Variants in XRRA1 observed in about 807,000 individuals in gnomAD.
The protein encoded by XRRA1 is X-ray radiation resistance-associated protein 1.
XRRA1 carries 69 observed loss-of-function variants against 80.2 expected under a neutral mutation model. That is an observed-to-expected ratio of 0.86 (90% CI 0.71 to 1.05). The LOEUF is 1.05. XRRA1 is among the 50% of genes least tolerant of loss of function. XRRA1 has a pLI of 0.00. For missense variants in XRRA1, 967 were observed against 976.4 expected (o/e 0.99, Z 0.13); for synonymous variants, 348 against 389.9 (o/e 0.89, Z 1.27).
chr11:74,924,238 G>A (rs1002739163), intron 7 of XRRA1, among the ~76,000 whole-genome samples: 1 of 151,258 alleles, frequency 6.6e-6, no homozygotes, highest in African/African-American at 2.4e-5. Context: ...CACTTTGGGA[G>A]GCCGAGACGG....
chr11:74,842,270 C>T lies in XRRA1; in HGVS notation c.*930G>A, dbSNP rs1018152592. The T allele has an allele frequency of 2.6e-5, 4 of 152,202 alleles. No homozygotes were observed. Among genetic ancestry groups the T allele is most frequent in the Non-Finnish European group, 5.9e-5 (4 of 68,054 alleles). The allele number at this position is 152,202 out of a possible 1,614,324, so 9.4% of individuals were successfully genotyped here. A position where few individuals can be genotyped will look rare whatever the true frequency, so the allele number is the denominator to read the frequency against. ...AGGGCATGCCCTGTTGGGGATGTTT[C>T]TGTCAGCAAGGACATGGCATGGAAT... On this transcript the variant is annotated 3_prime_UTR_variant, in exon 19 of 19. Transcript: ENST00000684022.
chr11:74,902,466 TTA>T (rs1388067767), intron 10 of XRRA1, among the ~76,000 whole-genome samples: 1 of 152,310 alleles, frequency 6.6e-6, no homozygotes, highest in East Asian at 1.9e-4. Context: ...ATCTGCACTC[TTA>T]TGTTTGTTGC....
chr11:74,923,554 T>C (rs572419537), intron 7 of XRRA1, among the ~76,000 whole-genome samples: 1 of 152,300 alleles, frequency 6.6e-6, no homozygotes, highest in Non-Finnish European at 1.5e-5. Context: ...TTCTCTCTAA[T>C]CTATTTTTTA....
chr11:74,946,754 CTTTTTTT>C (rs199664037), intron 1 of XRRA1, among the ~76,000 whole-genome samples: 2 of 141,616 alleles, frequency 1.4e-5, no homozygotes, highest in South Asian at 2.3e-4. Context: ...ACCTCTTTTT[CTTTTTTT>C]TTTTTTTTGA....
chr11:74,873,377 C>T lies in XRRA1; in HGVS notation c.1004-10356G>A, dbSNP rs189103798. Among the ~76,000 whole-genome samples, 7 of 152,290 alleles carry T rather than the reference C, an allele frequency of 4.6e-5. No homozygotes were observed. In the East Asian group the frequency reaches 1.2e-3, roughly 25 times the overall value. On this transcript the variant is annotated intron_variant, in intron 10 of 18. Transcript: ENST00000684022. Reference sequence around the variant, plus strand: ...CCAACTCATCCAGTGGTCCCTAATCCCTATACTTTGCTAACCCAAATACCT... The same window carrying T: ...CCAACTCATCCAGTGGTCCCTAATCTCTATACTTTGCTAACCCAAATACCT...
intron 11 of XRRA1, 90 bp downstream of exon 11, chr11:74,862,891 A>G (rs1826567029): frequency 3.4e-6 from 4 of 1,168,994 alleles, no homozygotes; most frequent in South Asian, 1.6e-5. Context: ...TATAGAAATG[A>G]CTCTCATGGC....
intron 4 of XRRA1, among the ~76,000 whole-genome samples, chr11:74,935,382 C>G (rs1041849044): frequency 6.6e-6 from 1 of 152,126 alleles, no homozygotes; most frequent in African/African-American, 2.4e-5. Context: ...ATTAATCTAC[C>G]CTAAACAATG....
At chr11:74,916,809 G>GT (rs1335175977) in intron 8 of XRRA1, among the ~76,000 whole-genome samples, 1 of 151,780 alleles carries the variant, frequency 6.6e-6, no homozygotes, top group Admixed American at 6.6e-5. Flanking sequence ...GGTTTGCTGG[G>GT]TTTTTTTGTT....
At chr11:74,923,109 C>T (rs1222670823) in intron 7 of XRRA1, among the ~76,000 whole-genome samples, 1 of 152,184 alleles carries the variant, frequency 6.6e-6, no homozygotes, top group Non-Finnish European at 1.5e-5. Flanking sequence ...GGACAGGCTT[C>T]ACAGGGTAGG....
chr11:74,867,917 C>CTTTTTTTTTTTT (rs60520990), intron 10 of XRRA1, among the ~76,000 whole-genome samples: 1 of 106,746 alleles, frequency 9.4e-6, no homozygotes, highest in African/African-American at 3.6e-5. Context: ...TATAGTCAAT[C>CTTTTTTTTTTTT]TTTTTTTTTT....
chr11:74,897,529 G>A (rs933190394), intron 10 of XRRA1, among the ~76,000 whole-genome samples: 4 of 151,908 alleles, frequency 2.6e-5, no homozygotes, highest in Admixed American at 6.6e-5. Flanking sequence ...ACACCAAGTA[G>A]ATTTAAGCCT....
chr11:74,890,507 C>A (rs1296949282), intron 10 of XRRA1, among the ~76,000 whole-genome samples: 1 of 152,068 alleles, frequency 6.6e-6, no homozygotes, highest in East Asian at 1.9e-4. Flanking sequence ...GAAGCAAGAG[C>A]AAACACATTC....
rs1329257887 is a variant in XRRA1 at position 74,907,257 on chromosome 11, A to G, written c.673T>C (p.Ser225Pro). Reference protein sequence around the residue: ...AVAEQEASVTSLTSKRYILRF... With the variant: ...AVAEQEASVTPLTSKRYILRF... The stretch of plus-strand genomic sequence containing the variant: ...AGGATGTACCTCTTGCTTGTCAGCG[A>G]TGTTACAGATGCCTCCCTGTGAGTG... Residue 225 changes from serine to proline, a missense_variant, in exon 9 of 19, where the codon TCG becomes CCG. Physicochemically the swap from Ser to Pro is moderately conservative, Grantham distance 74 (BLOSUM62 -1). Transcript: ENST00000684022. 5 of 1,613,760 alleles carry G rather than the reference A, an allele frequency of 3.1e-6. No individual in the cohort carries two copies. The highest frequency in any genetic ancestry group is 2.5e-6 in the Non-Finnish European group (3 of 1,179,848).
chr11:74,864,911 C>G (rs1218489886), intron 10 of XRRA1, among the ~76,000 whole-genome samples: 1 of 152,222 alleles, frequency 6.6e-6, no homozygotes, highest in Non-Finnish European at 1.5e-5. Context: ...GTCCCTCCAG[C>G]TGCAATCAGA....
At chr11:74,875,260 C>G (rs1390411857) in intron 10 of XRRA1, among the ~76,000 whole-genome samples, 4 of 152,166 alleles carry the variant, frequency 2.6e-5, no homozygotes, top group Admixed American at 2.0e-4. Context: ...GCCAAGTCAG[C>G]AGCAAGTCAG....
At chr11:74,922,056 G>A (rs1448030839) in intron 7 of XRRA1, among the ~76,000 whole-genome samples, 1 of 152,006 alleles carries the variant, frequency 6.6e-6, no homozygotes, top group Non-Finnish European at 1.5e-5. Flanking sequence ...AGGAGATTAA[G>A]ACTATCCTGG....
intron 10 of XRRA1, among the ~76,000 whole-genome samples, chr11:74,884,255 G>T (rs926886155): frequency 6.6e-6 from 1 of 152,216 alleles, no homozygotes; most frequent in Admixed American, 6.5e-5. Context: ...ACAGGGGAAT[G>T]TCAGCAGCTG....
chr11:74,946,865 C>T (rs1398064248), intron 1 of XRRA1, among the ~76,000 whole-genome samples: 2 of 152,084 alleles, frequency 1.3e-5, no homozygotes, highest in Non-Finnish European at 2.9e-5. Context: ...CATTCTCCTG[C>T]CTCAGCCTCC....
At chr11:74,931,739 T>C (rs1025478446) in intron 5 of XRRA1, 5 of 152,250 alleles carry the variant, frequency 3.3e-5, no homozygotes, top group Non-Finnish European at 7.3e-5. Flanking sequence ...ATGTAATTAA[T>C]ATTCTTATAC....
Sources: allele counts gnomAD v4.1 joint callset (sites outside exome capture counted in the v4.1 genomes callset), GRCh38; gene constraint gnomAD v4.1.1; transcripts MANE v1.5; gene names NCBI Gene and HGNC (gene_info 2026-07-23, HGNC 2026-07-21).